Variants in ATP10D observed in about 807,000 individuals in gnomAD.
The protein encoded by ATP10D is phospholipid-transporting ATPase VD.
Under a neutral mutation model 144.8 loss-of-function variants are expected in ATP10D, and 89 were observed. The observed-to-expected ratio is 0.61, with a 90% CI of 0.52 to 0.73. ATP10D has a LOEUF of 0.73. ATP10D is among the 30% of genes least tolerant of loss of function. The pLI, the probability that ATP10D is intolerant of heterozygous loss-of-function variation, is 0.00. For missense variants in ATP10D, 1,603 were observed against 1,714.8 expected (o/e 0.93, Z 1.15); for synonymous variants, 571 against 615.1 (o/e 0.93, Z 1.06).
At chr4:47,585,669 C>G (rs771109574) in intron 21 of ATP10D, among the ~76,000 whole-genome samples, 1 of 152,152 alleles carries the variant, frequency 6.6e-6, no homozygotes, top group Non-Finnish European at 1.5e-5. Context: ...GCTCTGATAA[C>G]CATCCTTCTA....
intron 4 of ATP10D, among the ~76,000 whole-genome samples, chr4:47,525,160 A>G (rs1021471346): frequency 1.3e-5 from 2 of 152,202 alleles, no homozygotes; most frequent in Admixed American, 6.5e-5. Flanking sequence ...GATCAAATGC[A>G]TATATTCTCG....
intron 15 of ATP10D, among the ~76,000 whole-genome samples, chr4:47,565,119 C>T (rs1237533775): frequency 6.6e-6 from 1 of 152,086 alleles, no homozygotes; most frequent in Non-Finnish European, 1.5e-5. Context: ...ACACCACGCC[C>T]GGCTAATTTT....
At chr4:47,585,931 A>G (rs1577712405) in intron 21 of ATP10D, among the ~76,000 whole-genome samples, 1 of 152,216 alleles carries the variant, frequency 6.6e-6, no homozygotes, top group South Asian at 2.1e-4. Context: ...AACCTTGGCT[A>G]TTGTAAACAG....
intron 1 of ATP10D, among the ~76,000 whole-genome samples, chr4:47,496,969 G>A (rs1715416770): frequency 6.6e-6 from 1 of 152,066 alleles, no homozygotes; most frequent in Non-Finnish European, 1.5e-5. Context: ...AGCCTCCTGA[G>A]TAGCTGTGAT....
At chr4:47,561,397 T>C (rs539041411) in intron 14 of ATP10D, among the ~76,000 whole-genome samples, 3 of 152,358 alleles carry the variant, frequency 2.0e-5, no homozygotes, top group African/African-American at 4.8e-5. Context: ...GAATAGAGTT[T>C]CTTGTCAGGC....
chr4:47,502,192 G>A (rs1199724149), intron 1 of ATP10D, among the ~76,000 whole-genome samples: 2 of 152,128 alleles, frequency 1.3e-5, no homozygotes, highest in African/African-American at 4.8e-5. Flanking sequence ...AAAGAAATCT[G>A]GACTGGGCGC....
chr4:47,527,106 T>A (rs6832642), intron 5 of ATP10D, among the ~76,000 whole-genome samples: 1 of 152,130 alleles, frequency 6.6e-6, no homozygotes, highest in Non-Finnish European at 1.5e-5. Flanking sequence ...TAAAGATAGA[T>A]CAGGAGATCA....
In ATP10D at chr4:47,491,218, T is replaced by C. The variant is rs1210313827; in HGVS notation, c.-38+5699T>C. 3.9e-6 allele frequency: 3 copies of C among 760,288 alleles called. No individual in the cohort carries two copies. In the East Asian group the frequency reaches 7.4e-5, roughly 19 times the overall value. 47.1% of individuals were successfully genotyped at this position (760,288 alleles called of 1,614,324 possible). A position where few individuals can be genotyped will look rare whatever the true frequency, so the allele number is the denominator to read the frequency against. ...CACATTAATTCTCTTGGCAAGAATC[T>C]TGCCCTTAACTTGTTTACAACAATG... On this transcript the variant is annotated intron_variant, in intron 1 of 22. Transcript: ENST00000273859.
At chr4:47,533,000 G>T (rs12642998) in intron 5 of ATP10D, among the ~76,000 whole-genome samples, 144,292 of 152,234 alleles carry the variant, frequency 0.95, 68,856 homozygotes, top group East Asian at 1. Context: ...ATCAGACACA[G>T]GTAAAATACA....
chr4:47,555,186 C>T (rs1718918513), intron 11 of ATP10D, among the ~76,000 whole-genome samples: 1 of 152,202 alleles, frequency 6.6e-6, no homozygotes, highest in Non-Finnish European at 1.5e-5. Flanking sequence ...GCATTACTGC[C>T]TGAGCCCCGC....
Position 47,488,082 on chromosome 4 carries a change from A to G in ATP10D, c.-38+2563A>G, listed in dbSNP as rs1029002792. On this transcript the variant is annotated intron_variant, in intron 1 of 22. Transcript: ENST00000273859. ...ATATGAATCGCATATGAAGATTTAT[A>G]AATGTTTATTACCATCTTATCTGTA... is the stretch of plus-strand genomic sequence containing the variant. 3.9e-5 allele frequency among the ~76,000 whole-genome samples: 6 copies of G among 152,338 alleles called. 1 individual carries two copies. The South Asian group carries it at 1.2e-3, about 32-fold the overall frequency.
At chr4:47,576,524 C>T (rs1720251621) in intron 18 of ATP10D, among the ~76,000 whole-genome samples, 1 of 152,088 alleles carries the variant, frequency 6.6e-6, no homozygotes. Flanking sequence ...TGAATTATTC[C>T]TAAAGCACTT....
chr4:47,587,550 T>C (rs1196553974), intron 22 of ATP10D, among the ~76,000 whole-genome samples: 2 of 151,334 alleles, frequency 1.3e-5, no homozygotes, highest in Non-Finnish European at 2.9e-5. Context: ...TGGGTCCATT[T>C]CGTGCTGCCA....
chr4:47,502,757 C>A (rs1429191947), intron 1 of ATP10D, among the ~76,000 whole-genome samples: 1 of 150,828 alleles, frequency 6.6e-6, no homozygotes, highest in East Asian at 1.9e-4. Context: ...TGAAGAAATT[C>A]TTACTGAGTG....
Position 47,557,685 on chromosome 4 carries a change from G to T in ATP10D, c.1846G>T (p.Gly616Trp), listed in dbSNP as rs949177657. ...ATAGATCAGACACCCTTCACTGGGG[G>T]GGTTGCCCATTAAGTCTTTGGAAGA... ...RQKIRHPSLG[G>W]LPIKSLEEIK... Residue 616 changes from glycine to tryptophan, a missense_variant, in exon 12 of 23, where the codon GGG (glycine) becomes TGG (tryptophan). Gly to Trp is a radical substitution (Grantham distance 184, BLOSUM62 -2). Coordinates refer to ENST00000273859, the MANE Select transcript of ATP10D (RefSeq NM_020453.4). 47 of 1,610,278 alleles carry T rather than the reference G, an allele frequency of 2.9e-5. No homozygotes were observed. Among genetic ancestry groups the T allele is most frequent in the Non-Finnish European group, 3.7e-5 (43 of 1,176,964 alleles).
intron 5 of ATP10D, among the ~76,000 whole-genome samples, chr4:47,530,262 CT>C (rs144990423): frequency 0.086 from 13,048 of 151,986 alleles, 773 homozygotes; most frequent in Non-Finnish European, 0.13. Flanking sequence ...AACTTTCCCC[CT>C]TTTTTTATGA....
At chr4:47,589,138 T>TGTCAGAAGCC (rs1720917454) in intron 22 of ATP10D, among the ~76,000 whole-genome samples, 1 of 152,204 alleles carries the variant, frequency 6.6e-6, no homozygotes, top group African/African-American at 2.4e-5. Context: ...AGCCAAGAAA[T>TGTCAGAAGCC]GTCAGAAGCC....
At chr4:47,529,728 G>T (rs936029583) in intron 5 of ATP10D, among the ~76,000 whole-genome samples, 5 of 151,992 alleles carry the variant, frequency 3.3e-5, no homozygotes, top group Non-Finnish European at 5.9e-5. Flanking sequence ...GATTTCTTTG[G>T]GCAGTGTGGA....
chr4:47,500,736 G>A lies in ATP10D; in HGVS notation c.-37-11768G>A, dbSNP rs184943684. On this transcript the variant is annotated intron_variant, in intron 1 of 22. Coordinates refer to ENST00000273859, the MANE Select transcript of ATP10D (RefSeq NM_020453.4). ...GCATCAGTCTGGAGTTTTGGAAAGA[G>A]GTCTATGCTAGGGGAACTTGTGGAA... 4.2e-4 allele frequency among the ~76,000 whole-genome samples: 64 copies of A among 152,248 alleles called. 1 individual carries two copies. The highest frequency in any genetic ancestry group is 1.4e-3 in the African/African-American group (58 of 41,532).
Sources: gnomAD v4.1 joint callset for allele counts (sites outside exome capture counted in the v4.1 genomes callset) on GRCh38, gnomAD v4.1.1 for gene constraint, MANE v1.5 for transcripts, NCBI Gene and HGNC (gene_info 2026-07-23, HGNC 2026-07-21) for gene names.